The following LRCH2 variants were observed in gnomAD, a reference collection of about 807,000 sequenced individuals.
LRCH2 encodes the protein leucine-rich repeat and calponin homology domain-containing protein 2.
Under a neutral mutation model 68.9 loss-of-function variants are expected in LRCH2, and 38 were observed. The ratio of observed to expected loss-of-function variants is 0.55; its 90% CI spans 0.43 to 0.72. The LOEUF (loss-of-function observed/expected upper bound fraction) is 0.72. LRCH2 is among the 30% of genes least tolerant of loss of function. The pLI is 0.00. For synonymous variants in LRCH2, 191 were observed against 208.1 expected (o/e 0.92, Z 0.71); for missense variants, 528 against 572.9 (o/e 0.92, Z 0.80).
intron 14 of LRCH2, among the ~76,000 whole-genome samples, chrX:115,131,677 C>T (rs1467820617): frequency 8.9e-5 from 10 of 111,774 alleles, no homozygotes; most frequent in Admixed American, 7.6e-4. Context: ...CGAGGAATCG[C>T]CACACTGTCT....
At chrX:115,228,419 G>A (rs1469242552) in intron 1 of LRCH2, among the ~76,000 whole-genome samples, 2 of 111,348 alleles carry the variant, frequency 1.8e-5, no homozygotes, top group Non-Finnish European at 3.8e-5. Context: ...TGCAGAATGG[G>A]GAGGTGTGTA....
chrX:115,176,255 A>T (rs1569514837), intron 5 of LRCH2, among the ~76,000 whole-genome samples: 1 of 112,269 alleles, frequency 8.9e-6, no homozygotes, highest in Non-Finnish European at 1.9e-5. Flanking sequence ...ACTGTTTTCC[A>T]TAATGGCTGT....
chrX:115,221,194 AAAAAAAAAAAAAAAAAATAT>A (rs1421853263), intron 1 of LRCH2, among the ~76,000 whole-genome samples: 8 of 52,304 alleles, frequency 1.5e-4, no homozygotes, highest in African/African-American at 1.7e-4. Flanking sequence ...AAAAAAAAAA[AAAAAAAAAAAAAAAAAATAT>A]ATATATATAT....
At chrX:115,154,476 T>A (rs781966651) in intron 12 of LRCH2, among the ~76,000 whole-genome samples, 51 of 111,701 alleles carry the variant, frequency 4.6e-4, no homozygotes, top group African/African-American at 1.7e-3. Context: ...AAAGAACTTT[T>A]ACCATGATAG....
intron 14 of LRCH2, among the ~76,000 whole-genome samples, chrX:115,147,240 G>A (rs1357163240): frequency 9.0e-6 from 1 of 111,559 alleles, no homozygotes; most frequent in Non-Finnish European, 1.9e-5. Flanking sequence ...CGGGAGATAG[G>A]TGATTAAGAG....
intron 1 of LRCH2, among the ~76,000 whole-genome samples, chrX:115,232,590 T>C (rs1487903943): frequency 1.8e-5 from 2 of 111,736 alleles, no homozygotes; most frequent in African/African-American, 3.2e-5. Context: ...ATCTAAAAAC[T>C]GAATACATCT....
At chrX:115,176,800 G>A (rs1223946435) in intron 5 of LRCH2, among the ~76,000 whole-genome samples, 1 of 101,627 alleles carries the variant, frequency 9.8e-6, no homozygotes, top group Non-Finnish European at 2.0e-5. Context: ...AAGCTGGAGT[G>A]CAGTGGCACG....
chrX:115,203,952 A>G, intron 1 of LRCH2, among the ~76,000 whole-genome samples: 1 of 112,608 alleles, frequency 8.9e-6, no homozygotes, highest in South Asian at 3.7e-4. Flanking sequence ...ACACTGCCCT[A>G]GTAGAGGTTA....
At chrX:115,174,208 T>C (rs782814228) in intron 5 of LRCH2, among the ~76,000 whole-genome samples, 1 of 111,748 alleles carries the variant, frequency 8.9e-6, no homozygotes, top group South Asian at 3.8e-4. Context: ...GTAGTTACCT[T>C]GTTTGTGTGT....
intron 1 of LRCH2, chrX:115,190,845 A>C (rs1290260496): frequency 1.6e-5 from 18 of 1,152,428 alleles, no homozygotes; most frequent in Non-Finnish European, 2.0e-5. Flanking sequence ...GCGGAGGAGG[A>C]GGCCGTTATG....
intron 1 of LRCH2, among the ~76,000 whole-genome samples, chrX:115,219,482 C>T (rs782131112): frequency 1.2e-4 from 13 of 111,577 alleles, no homozygotes; most frequent in Non-Finnish European, 1.9e-4. Context: ...ATCAGCACGG[C>T]GGCAGCTGCC....
intron 16 of LRCH2, chrX:115,126,496 T>A (rs180768499): frequency 3.9e-5 from 5 of 126,754 alleles, no homozygotes; most frequent in African/African-American, 1.3e-4. Context: ...AATCTATCAT[T>A]TATTTTAAAA....
At chrX:115,143,458 A>AT (rs1234676122) in intron 14 of LRCH2, among the ~76,000 whole-genome samples, 4 of 111,625 alleles carry the variant, frequency 3.6e-5, no homozygotes, top group Non-Finnish European at 7.5e-5. Context: ...GAACAGGCCA[A>AT]TAACAAGTAA....
chrX:115,177,503 G>A (rs1173711049), intron 5 of LRCH2, among the ~76,000 whole-genome samples: 1 of 111,736 alleles, frequency 8.9e-6, no homozygotes, highest in Non-Finnish European at 1.9e-5. Flanking sequence ...CATTCAGTAT[G>A]CAACCATTCA....
rs2073089534 is a variant in LRCH2, at chrX:115,222,111, A to G, written c.349+11582T>C. Among the ~76,000 whole-genome samples, 4 of 111,359 alleles carry G rather than the reference A, an allele frequency of 3.6e-5. No homozygotes were observed. The South Asian group carries it at 1.1e-3, about 31-fold the overall frequency. ...TGGGGTCATCTTATATTCAAAAACC[A>G]AACAATATTATATACCATGTTAATA... On this transcript the variant is annotated intron_variant, in intron 1 of 20. Coordinates refer to ENST00000317135, the MANE Select transcript of LRCH2 (RefSeq NM_020871.4).
chrX:115,134,876 T>C (rs1416035965), intron 14 of LRCH2, among the ~76,000 whole-genome samples: 2 of 111,135 alleles, frequency 1.8e-5, no homozygotes, highest in African/African-American at 6.5e-5. Context: ...ATTCTTCTGA[T>C]GGGCCTGGGC....
Position 115,111,345 on chromosome X carries a change from C to T in LRCH2, c.*1871G>A, listed in dbSNP as rs782335024. On this transcript the variant is annotated 3_prime_UTR_variant, in exon 21 of 21. Transcript: ENST00000317135. ...TTCAAAGATATGAAACAGGACAACACTTGTAAAATAATTCATACTAGATTG... is the reference window on the plus strand; with the variant it reads ...TTCAAAGATATGAAACAGGACAACATTTGTAAAATAATTCATACTAGATTG... The T allele has an allele frequency of 2.7e-5, 3 of 110,777 alleles. No individual in the cohort carries two copies. The Admixed American group carries it at 2.9e-4, about 11-fold the overall frequency. 9.1% of individuals were successfully genotyped at this position (110,777 alleles called of 1,213,427 possible).
chrX:115,212,972 T>TAA (rs367910220), intron 1 of LRCH2, among the ~76,000 whole-genome samples: 1 of 95,489 alleles, frequency 1.0e-5, no homozygotes, highest in African/African-American at 3.8e-5. Flanking sequence ...CCTTGTCTCA[T>TAA]AAAAAAAAAA....
At chrX:115,136,895 T>G (rs1556532213) in intron 14 of LRCH2, among the ~76,000 whole-genome samples, 1 of 111,984 alleles carries the variant, frequency 8.9e-6, no homozygotes, top group African/African-American at 3.2e-5. Context: ...TTTAAGGGCA[T>G]TTTCTCACAT....
Sources: gnomAD v4.1 joint callset for allele counts (sites outside exome capture counted in the v4.1 genomes callset) on GRCh38, gnomAD v4.1.1 for gene constraint, MANE v1.5 for transcripts, NCBI Gene and HGNC (gene_info 2026-07-23, HGNC 2026-07-21) for gene names.